Variants in DAPK2 observed in about 807,000 individuals in gnomAD.
DAPK2 encodes death associated protein kinase 2, also known as death-associated protein kinase 2.
Under a neutral mutation model 44.1 loss-of-function variants are expected in DAPK2, and 35 were observed. That is an observed-to-expected ratio of 0.79 (90% CI 0.61 to 1.05). The LOEUF is 1.05. DAPK2 is among the 50% of genes least tolerant of loss of function. DAPK2 has a pLI of 0.00. For missense variants in DAPK2, 453 were observed against 483.2 expected (o/e 0.94, Z 0.59); for synonymous variants, 174 against 182.6 (o/e 0.95, Z 0.38).
chr15:63,987,220 G>A (rs1595858162), intron 1 of DAPK2, among the ~76,000 whole-genome samples: 1 of 152,188 alleles, frequency 6.6e-6, no homozygotes, highest in Non-Finnish European at 1.5e-5. Context: ...GCCCATCAGA[G>A]GGCCCAGCCA....
chr15:64,040,646 C>T (rs1456802055), upstream of DAPK2, among the ~76,000 whole-genome samples: 3 of 152,088 alleles, frequency 2.0e-5, no homozygotes, highest in Admixed American at 2.0e-4. Flanking sequence ...GCATGGTGCT[C>T]ACAACTGTAA....
At chr15:64,035,862 T>A (rs759315767) in intron 1 of DAPK2, among the ~76,000 whole-genome samples, 3 of 151,920 alleles carry the variant, frequency 2.0e-5, no homozygotes, top group Non-Finnish European at 4.4e-5. Flanking sequence ...CCAGGGAGGG[T>A]CCCAGCAGAG....
intron 3 of DAPK2, among the ~76,000 whole-genome samples, chr15:63,956,530 T>C (rs2077727550): frequency 6.6e-6 from 1 of 152,150 alleles, no homozygotes; most frequent in Admixed American, 6.6e-5. Context: ...TTCCTCGTTA[T>C]TATTTTTCAG....
intron 3 of DAPK2, among the ~76,000 whole-genome samples, chr15:63,950,745 A>C (rs553871928): frequency 6.6e-5 from 10 of 152,324 alleles, no homozygotes; most frequent in Admixed American, 1.3e-4. Flanking sequence ...CCTGTCACTT[A>C]ATACTGTGTA....
At chr15:63,933,992 A>G (rs1413986015) in intron 4 of DAPK2, among the ~76,000 whole-genome samples, 3 of 152,150 alleles carry the variant, frequency 2.0e-5, no homozygotes, top group African/African-American at 4.8e-5. Flanking sequence ...TCTGTCATCA[A>G]CATGCTTTTA....
intron 3 of DAPK2, among the ~76,000 whole-genome samples, chr15:63,944,011 T>C (rs2077386014): frequency 6.6e-6 from 1 of 152,148 alleles, no homozygotes; most frequent in Non-Finnish European, 1.5e-5. Flanking sequence ...TACCCCAGGG[T>C]GCCTTTTCTT....
chr15:63,927,433 A>C (rs1275946788), intron 6 of DAPK2, among the ~76,000 whole-genome samples: 3 of 152,144 alleles, frequency 2.0e-5, no homozygotes, highest in African/African-American at 7.2e-5. Context: ...GTTCAAATTG[A>C]TCCATCAATC....
intron 1 of DAPK2, among the ~76,000 whole-genome samples, chr15:64,011,659 A>G (rs540545888): frequency 4.1e-4 from 62 of 152,316 alleles, no homozygotes; most frequent in African/African-American, 1.5e-3. Flanking sequence ...TGGCTACTGA[A>G]CACTCGAAAT....
intron 1 of DAPK2, among the ~76,000 whole-genome samples, chr15:63,993,102 C>T (rs1418459089): frequency 6.6e-6 from 1 of 152,168 alleles, no homozygotes; most frequent in Admixed American, 6.5e-5. Flanking sequence ...GCCCTCCCCT[C>T]TCCTGCATCC....
At chr15:63,922,401 C>T in intron 8 of DAPK2, 1 of 1,080,316 alleles carries the variant, frequency 9.3e-7, no homozygotes, top group Non-Finnish European at 1.1e-6. Flanking sequence ...GAGATATGAA[C>T]AAATCCTTCA....
chr15:63,914,586 C>T (rs1043789931), intron 8 of DAPK2, among the ~76,000 whole-genome samples: 1 of 152,168 alleles, frequency 6.6e-6, no homozygotes, highest in Non-Finnish European at 1.5e-5. Context: ...TTTCCCTTCT[C>T]CAAGCCTTCC....
At chr15:64,030,971 T>TACACACACACAC (rs752579612) in intron 1 of DAPK2, among the ~76,000 whole-genome samples, 2 of 60,962 alleles carry the variant, frequency 3.3e-5, no homozygotes, top group African/African-American at 1.3e-4. Flanking sequence ...TGTCTCAAAA[T>TACACACACACAC]ACACACATAC....
At chr15:64,007,705 C>T (rs1273276282) in intron 1 of DAPK2, among the ~76,000 whole-genome samples, 1 of 152,198 alleles carries the variant, frequency 6.6e-6, no homozygotes, top group Non-Finnish European at 1.5e-5. Context: ...CATCAAATAG[C>T]TTGGAGCATA....
intron 1 of DAPK2, among the ~76,000 whole-genome samples, chr15:64,003,005 TGTGTG>T: frequency 2.7e-5 from 4 of 150,230 alleles, no homozygotes; most frequent in Non-Finnish European, 4.4e-5. Context: ...TGTGTGTGTG[TGTGTG>T]TGTGTCGTGG....
chr15:64,036,658 T>A (rs1595923983), intron 1 of DAPK2, among the ~76,000 whole-genome samples: 1 of 152,076 alleles, frequency 6.6e-6, no homozygotes, highest in South Asian at 2.1e-4. Context: ...CATCCATTGT[T>A]ACATGTAACA....
chr15:63,908,489 C>T lies in DAPK2; in HGVS notation c.*31G>A, dbSNP rs1316643482. ...AGAAGGGAGCCCCGCTGGGCCCAGA[C>T]CTCCCTGGCGGCCACTGCAGGTCAG... On this transcript the variant is annotated 3_prime_UTR_variant, in exon 11 of 11. Transcript: ENST00000261891. The surrounding 1 kb of genome is among the most constrained non-coding windows in gnomAD (Gnocchi z 5.7). 3 of 1,507,570 alleles carry T rather than the reference C, an allele frequency of 2.0e-6. No individual in the cohort carries two copies. The African/African-American group carries it at 4.2e-5, about 21-fold the overall frequency. 93.4% of individuals were successfully genotyped at this position (1,507,570 alleles called of 1,614,324 possible). A position where few individuals can be genotyped will look rare whatever the true frequency, so the allele number is the denominator to read the frequency against.
chr15:63,977,879 C>A (rs2078397278), intron 2 of DAPK2, among the ~76,000 whole-genome samples: 1 of 152,194 alleles, frequency 6.6e-6, no homozygotes, highest in African/African-American at 2.4e-5. Context: ...GTCCCTCTCA[C>A]CACAACCCTT....
chr15:64,034,932 C>T (rs983941256), intron 1 of DAPK2, among the ~76,000 whole-genome samples: 4 of 152,156 alleles, frequency 2.6e-5, no homozygotes, highest in Non-Finnish European at 5.9e-5. Flanking sequence ...CTTCGGGAGG[C>T]CGAGGCAGGC....
exon 3 of DAPK2, chr15:63,971,446 T>G (rs1451269491): frequency 1.3e-5 from 21 of 1,614,112 alleles, no homozygotes; most frequent in Non-Finnish European, 1.7e-5. Flanking sequence ...TGAGCAATTT[T>G]CTTTGTGTGA....
Sources: allele counts gnomAD v4.1 joint callset (sites outside exome capture counted in the v4.1 genomes callset), GRCh38; gene constraint gnomAD v4.1.1; non-coding constraint Gnocchi (gnomAD v3.1); transcripts MANE v1.5; gene names NCBI Gene and HGNC (gene_info 2026-07-23, HGNC 2026-07-21).